RFX4: variants seen among roughly 807,000 people sequenced by gnomAD.
RFX4 encodes regulatory factor X4.
A neutral mutation model predicts 95.0 loss-of-function variants in RFX4; 10 were observed. That is an observed-to-expected ratio of 0.11 (90% CI 0.06 to 0.18). The LOEUF is 0.18. Ranked by LOEUF, RFX4 falls within the 10% of genes least tolerant of loss-of-function variation. The pLI, the probability that RFX4 is intolerant of heterozygous loss-of-function variation, is 1.00. For synonymous variants in RFX4, 321 were observed against 340.7 expected (o/e 0.94, Z 0.64); for missense variants, 640 against 922.0 (o/e 0.69, Z 3.96).
At chr12:106,704,220 G>A (rs2042042600) in intron 8 of RFX4, among the ~76,000 whole-genome samples, 1 of 152,020 alleles carries the variant, frequency 6.6e-6, no homozygotes, top group Non-Finnish European at 1.5e-5. Flanking sequence ...CAATGTGCTA[G>A]GGACTATGCT....
intron 17 of RFX4, among the ~76,000 whole-genome samples, chr12:106,759,845 G>GA (rs2043178771): frequency 6.6e-6 from 1 of 152,190 alleles, no homozygotes; most frequent in African/African-American, 2.4e-5. Flanking sequence ...TATGTAGGGG[G>GA]AAAAATCCCT....
At chr12:106,684,315 C>T (rs1467096885) in intron 5 of RFX4, among the ~76,000 whole-genome samples, 1 of 152,160 alleles carries the variant, frequency 6.6e-6, no homozygotes, top group African/African-American at 2.4e-5. Flanking sequence ...TTCAGTGAGC[C>T]ACGATTGCAC....
At chr12:106,703,098 T>C (rs2042021987) in intron 8 of RFX4, among the ~76,000 whole-genome samples, 2 of 152,216 alleles carry the variant, frequency 1.3e-5, no homozygotes, top group Non-Finnish European at 1.5e-5. Context: ...TTTCACCCAC[T>C]TGTATGTAAC....
chr12:106,714,068 C>CAAGAAAAAAAAA (rs2042239824), intron 10 of RFX4, among the ~76,000 whole-genome samples: 1 of 30,524 alleles, frequency 3.3e-5, no homozygotes, highest in Non-Finnish European at 5.9e-5. Context: ...AACTCCATCT[C>CAAGAAAAAAAAA]AAAAAAAAAA....
At chr12:106,729,883 G>A (rs1409031125) in intron 13 of RFX4, among the ~76,000 whole-genome samples, 1 of 152,208 alleles carries the variant, frequency 6.6e-6, no homozygotes, top group African/African-American at 2.4e-5. Context: ...GTGGTTCACA[G>A]GATCCCATTT....
At chr12:106,707,785 TTTGTTGTTG>T (rs113186251) in intron 8 of RFX4, among the ~76,000 whole-genome samples, 5 of 151,166 alleles carry the variant, frequency 3.3e-5, no homozygotes, top group Admixed American at 2.0e-4. Context: ...AAATAAGAGG[TTTGTTGTTG>T]TTGTTGTTGT....
intron 3 of RFX4, among the ~76,000 whole-genome samples, chr12:106,641,753 G>T (rs765817017): frequency 6.6e-6 from 1 of 151,910 alleles, no homozygotes; most frequent in Non-Finnish European, 1.5e-5. Context: ...GAACATTAAC[G>T]TTTGCTCTAA....
At chr12:106,670,988 C>G (rs1027290930) in intron 4 of RFX4, among the ~76,000 whole-genome samples, 1 of 152,120 alleles carries the variant, frequency 6.6e-6, no homozygotes, top group African/African-American at 2.4e-5. Flanking sequence ...AAATATGCCA[C>G]AAGATTTCCA....
chr12:106,660,360 C>T (rs1463621042), intron 4 of RFX4, among the ~76,000 whole-genome samples: 1 of 151,848 alleles, frequency 6.6e-6, no homozygotes, highest in Non-Finnish European at 1.5e-5. Flanking sequence ...TGGAAAAGCT[C>T]CAGGCACTGA....
chr12:106,732,940 G>C lies in RFX4; in HGVS notation c.1488G>C (p.Glu496Asp). The C allele has an allele frequency of 2.5e-6, 4 of 1,614,072 alleles. No homozygotes were observed. The highest frequency in any genetic ancestry group is 3.4e-6 in the Non-Finnish European group (4 of 1,179,968). ...GEGSTAEVREEIILTEAAAPT... is the reference protein window; with the variant it reads ...GEGSTAEVREDIILTEAAAPT... ...TATCCACAGCAGAAGTCCGAGAAGA[G>C]ATCATCTTGACAGAGGCTGCCGCAC... is the stretch of plus-strand genomic sequence containing the variant. The change falls in exon 15 of 18, where the codon GAG becomes GAC. Residue 496 changes from glutamate (E) to aspartate (D), a missense_variant. By Grantham distance (45) the Glu-to-Asp change is conservative (BLOSUM62 2). This residue lies in a region of RFX4 where 300 missense variants were observed against 346.8 expected (regional missense o/e 0.87). Transcript: ENST00000392842.
At chr12:106,644,742 A>G (rs1045248384) in intron 3 of RFX4, among the ~76,000 whole-genome samples, 1 of 152,184 alleles carries the variant, frequency 6.6e-6, no homozygotes, top group Non-Finnish European at 1.5e-5. Context: ...ACCATTTTAT[A>G]TCTTCATCTG....
chr12:106,615,266 T>C (rs1327389223), intron 2 of RFX4, among the ~76,000 whole-genome samples: 1 of 152,184 alleles, frequency 6.6e-6, no homozygotes, highest in African/African-American at 2.4e-5. Context: ...CAGTGGTGCC[T>C]TCATCATAAA....
intron 7 of RFX4, 38 bp downstream of exon 7, chr12:106,689,402 T>G: frequency 6.6e-7 from 1 of 1,522,178 alleles, no homozygotes; most frequent in Non-Finnish European, 9.1e-7. Flanking sequence ...TACTCGGTAT[T>G]AAAAATCTTG....
intron 2 of RFX4, among the ~76,000 whole-genome samples, chr12:106,630,058 C>T (rs1336638006): frequency 6.6e-6 from 1 of 152,248 alleles, no homozygotes; most frequent in East Asian, 1.9e-4. Flanking sequence ...CTTTTAAGAG[C>T]ATTTGTGTTT....
intron 4 of RFX4, among the ~76,000 whole-genome samples, chr12:106,656,871 A>G (rs1386884333): frequency 2.6e-5 from 4 of 152,224 alleles, no homozygotes; most frequent in Admixed American, 2.6e-4. Context: ...AGCTGCTTCC[A>G]AAATAGTCAT....
intron 3 of RFX4, among the ~76,000 whole-genome samples, chr12:106,649,261 A>G (rs895129414): frequency 2.6e-5 from 4 of 152,226 alleles, no homozygotes; most frequent in African/African-American, 9.6e-5. Flanking sequence ...GGACATTCCA[A>G]TTAGCAACTT....
At chr12:106,731,987 C>T (rs1435435404) in intron 13 of RFX4, 143 bp from the exon 14 acceptor site, 1 of 1,201,462 alleles carries the variant, frequency 8.3e-7, no homozygotes, top group Non-Finnish European at 1.2e-6. Flanking sequence ...AACCTATGAC[C>T]ATGAGGAGAT....
chr12:106,651,281 C>G (rs1299072939), intron 3 of RFX4, among the ~76,000 whole-genome samples: 1 of 152,160 alleles, frequency 6.6e-6, no homozygotes, highest in East Asian at 1.9e-4. Context: ...ACAAACCCTC[C>G]TATTTACTAG....
chr12:106,695,944 G>T (rs912788058), intron 7 of RFX4, among the ~76,000 whole-genome samples: 5 of 152,148 alleles, frequency 3.3e-5, no homozygotes, highest in Non-Finnish European at 4.4e-5. Flanking sequence ...TAAAAACAAT[G>T]CCCCACCTTC....
Sources: gnomAD v4.1 joint callset for allele counts (sites outside exome capture counted in the v4.1 genomes callset) on GRCh38, gnomAD v4.1.1 for gene constraint, gnomAD v4.1.1 regional missense constraint, MANE v1.5 for transcripts, NCBI Gene and HGNC (gene_info 2026-07-23, HGNC 2026-07-21) for gene names.